Variants in SREBF1 observed in about 807,000 individuals in gnomAD.
SREBF1 encodes the protein sterol regulatory element binding transcription factor 1, also known as sterol regulatory element-binding protein 1.
Under a neutral mutation model 100.1 loss-of-function variants are expected in SREBF1, and 45 were observed. That is an observed-to-expected ratio of 0.45 (90% CI 0.35 to 0.58). The LOEUF is 0.58. SREBF1 is among the 20% of genes least tolerant of loss of function. The pLI is 0.00. For missense variants in SREBF1, 1,324 were observed against 1,539.4 expected (o/e 0.86, Z 2.34); for synonymous variants, 657 against 681.8 (o/e 0.96, Z 0.57).
In SREBF1 at chr17:17,812,475, C is replaced by T; in HGVS notation, c.*147G>A. The T allele has an allele frequency of 1.2e-5, 10 of 848,578 alleles. No homozygotes were observed. The highest frequency in any genetic ancestry group is 1.4e-5 in the Non-Finnish European group (8 of 554,094). The allele number at this position is 848,578 out of a possible 1,614,324, so 52.6% of individuals were successfully genotyped here. A position where few individuals can be genotyped will look rare whatever the true frequency, so the allele number is the denominator to read the frequency against. ...AGATCGCGCCCCTCGGGCCTTCCACCGCGAAGGCACACAGCAGCCGCAGGT... is the reference window on the plus strand; with the variant it reads ...AGATCGCGCCCCTCGGGCCTTCCACTGCGAAGGCACACAGCAGCCGCAGGT... On this transcript the variant is annotated 3_prime_UTR_variant, in exon 19 of 19. Coordinates refer to ENST00000261646, the MANE Select transcript of SREBF1 (RefSeq NM_004176.5).
rs1598118845 is a variant in SREBF1 at position 17,817,303 on chromosome 17, C to G, written c.1559G>C (p.Ser520Thr). 2 of 1,607,012 alleles carry G rather than the reference C, an allele frequency of 1.2e-6. No individual in the cohort carries two copies. The highest frequency in any genetic ancestry group is 1.7e-6 in the Non-Finnish European group (2 of 1,177,744). The change falls in exon 8 of 19, where the codon AGC becomes ACC. Residue 520 changes from serine (S) to threonine (T), a missense_variant. Ser to Thr is a moderately conservative substitution (Grantham distance 58). Transcript: ENST00000261646. The surrounding 1 kb of genome is among the most constrained non-coding windows in gnomAD (Gnocchi z 6.6). ...RGLPSPSDTT[S>T]VYHSPGRNVL... ...GTTGCGCCCAGGGCTATGGTAGACG[C>G]TGGTGGTATCTGAGGGGCTGGGAAG... is the stretch of plus-strand genomic sequence containing the variant.
At chr17:17,825,413 G>C (rs993451761) in intron 1 of SREBF1, among the ~76,000 whole-genome samples, 1 of 152,032 alleles carries the variant, frequency 6.6e-6, no homozygotes, top group African/African-American at 2.4e-5. Context: ...GGCGGGGGGG[G>C]CCTTCCAAGA....
chr17:17,827,252 C>T (rs2034547417), intron 1 of SREBF1, among the ~76,000 whole-genome samples: 1 of 152,208 alleles, frequency 6.6e-6, no homozygotes, highest in Non-Finnish European at 1.5e-5. Flanking sequence ...GACCCCAATT[C>T]TCCAGGGAAT....
intron 1 of SREBF1, among the ~76,000 whole-genome samples, chr17:17,836,215 G>A (rs558113480): frequency 4.6e-5 from 7 of 152,254 alleles, no homozygotes; most frequent in Non-Finnish European, 8.8e-5. Context: ...TGTGCCCGTC[G>A]CAGACCGGGA....
At position 17,815,812 on chromosome 17, in the gene SREBF1, A is replaced by G. The variant is rs771171102; in HGVS notation, c.2383+48T>C. 3.2e-6 allele frequency: 5 copies of G among 1,573,566 alleles called. No individual in the cohort carries two copies. In the South Asian group the frequency reaches 5.7e-5, roughly 18 times the overall value. ...TCAGGCGACAAGGGACAGGACAGGA[A>G]TGAGGATGAGGGACAGGAGAGGGGA... is the stretch of plus-strand genomic sequence containing the variant. On this transcript the variant is annotated intron_variant, in intron 12 of 18. Transcript: ENST00000261646.
At chr17:17,823,667 C>A (rs1188545524) in intron 1 of SREBF1, 62 of 1,291,900 alleles carry the variant, frequency 4.8e-5, no homozygotes, top group Non-Finnish European at 6.1e-5. Flanking sequence ...CGCCCCGCCC[C>A]GCCCCGCCCC....
Position 17,819,663 on chromosome 17 carries a change from C to T in SREBF1, c.586G>A (p.Val196Ile), listed in dbSNP as rs1418952213. 1.2e-6 allele frequency: 2 copies of T among 1,612,194 alleles called. No individual in the cohort carries two copies. The highest frequency in any genetic ancestry group is 1.7e-6 in the Non-Finnish European group (2 of 1,179,322). The change falls in exon 3 of 19, where the codon GTC becomes ATC. Residue 196 changes from valine (V) to isoleucine (I), a missense_variant. Physicochemically the swap from Val to Ile is conservative, Grantham distance 29 (BLOSUM62 3). Coordinates refer to ENST00000261646, the MANE Select transcript of SREBF1 (RefSeq NM_004176.5). ...PGLPLASPPG[V>I]PPVSLHTQVQ... ...TGGGTGTGCAAGGAGACGGGCGGGA[C>T]CCCTGGCGGGGAAGCCAGTGGCAGG...
intron 16 of SREBF1, 113 bp from the exon 17 acceptor site, chr17:17,813,882 C>A (rs2033236151): frequency 1.8e-6 from 2 of 1,107,956 alleles, no homozygotes; most frequent in African/African-American, 1.5e-5. Flanking sequence ...GGCACTGCAC[C>A]CGCCTCACAC....
rs770849678 is a variant in SREBF1, at chr17:17,812,636, CAG to C, written c.3428_3429del (p.Thr1143SerfsTer32). ...GGACACGGGGTCTAGCTGGAAGTGA[CAG>C]TGGTCCCACCGCCCAGGCGCATGAG... is the stretch of plus-strand genomic sequence containing the variant. ...QMLMRLGGGTTVTSS is the reference protein window; with the variant it reads ...QMLMRLGGGTXVTSS On this transcript the variant is annotated frameshift_variant, in exon 19 of 19. Coordinates refer to ENST00000261646, the MANE Select transcript of SREBF1 (RefSeq NM_004176.5). LOFTEE classifies it high-confidence loss of function. 1.2e-6 allele frequency: 2 copies of C among 1,605,208 alleles called. No individual in the cohort carries two copies. Among genetic ancestry groups the C allele is most frequent in the African/African-American group, 2.7e-5 (2 of 74,786 alleles).
chr17:17,811,968 T>C lies in SREBF1; in HGVS notation c.*654A>G. ...TCGGGAAGAGCTAAGTTAAAAGTTG[T>C]GTACCTTGTGGCCGGAGGGGGAGGG... On this transcript the variant is annotated 3_prime_UTR_variant, in exon 19 of 19. Transcript: ENST00000261646. 2.2e-6 allele frequency: 1 copy of C among 448,510 alleles called. No individual in the cohort carries two copies. The highest frequency in any genetic ancestry group is 7.2e-5 in the East Asian group (1 of 13,796). 27.8% of individuals were successfully genotyped at this position (448,510 alleles called of 1,614,324 possible). A position where few individuals can be genotyped will look rare whatever the true frequency, so the allele number is the denominator to read the frequency against.
At chr17:17,823,302 T>C (rs2034231039) in intron 1 of SREBF1, among the ~76,000 whole-genome samples, 1 of 152,202 alleles carries the variant, frequency 6.6e-6, no homozygotes, top group East Asian at 1.9e-4. Context: ...TTTGGGTCTC[T>C]AAGCAAACCC....
Position 17,812,650 on chromosome 17 carries a change from C to T in SREBF1, c.3416G>A (p.Gly1139Asp). 2 of 1,608,030 alleles carry T rather than the reference C, an allele frequency of 1.2e-6. No homozygotes were observed. The highest frequency in any genetic ancestry group is 8.5e-7 in the Non-Finnish European group (1 of 1,177,486). ...HDCQQMLMRL[G>D]GGTTVTSS ...GCTGGAAGTGACAGTGGTCCCACCG[C>T]CCAGGCGCATGAGCATCTGCTGACA... Residue 1139 changes from glycine to aspartate, a missense_variant, in exon 19 of 19, where the codon GGC (glycine) becomes GAC (aspartate). Physicochemically the swap from Gly to Asp is moderately conservative, Grantham distance 94 (BLOSUM62 -1). Coordinates refer to ENST00000261646, the MANE Select transcript of SREBF1 (RefSeq NM_004176.5).
At chr17:17,820,026 G>C in intron 2 of SREBF1, 64 bp downstream of exon 2, 1 of 1,514,872 alleles carries the variant, frequency 6.6e-7, no homozygotes, top group Non-Finnish European at 8.9e-7. Context: ...CACAGCAGAA[G>C]CTTCTTCCTG....
chr17:17,820,813 G>A (rs2034043065), intron 1 of SREBF1: 2 of 484,418 alleles, frequency 4.1e-6, no homozygotes, highest in Admixed American at 6.5e-5. Flanking sequence ...AGCTAGGCTG[G>A]GGCTGAGCCC....
chr17:17,831,804 C>A (rs1399289027), intron 1 of SREBF1, among the ~76,000 whole-genome samples: 5 of 152,180 alleles, frequency 3.3e-5, no homozygotes, highest in Non-Finnish European at 7.4e-5. Flanking sequence ...GACACTATAG[C>A]CAGGGCAGTG....
chr17:17,819,731 G>A lies in SREBF1; in HGVS notation c.524-6C>T. ...GGTGTTCCCGGGAGGGCTTCCTGCA[G>A]AAATAAAGCATGGGGCTGCAGACAC... On this transcript the variant is annotated splice_polypyrimidine_tract_variant and splice_region_variant and intron_variant, in intron 2 of 18. Coordinates refer to ENST00000261646, the MANE Select transcript of SREBF1 (RefSeq NM_004176.5). 1 of 1,596,170 alleles carries A rather than the reference G, an allele frequency of 6.3e-7. No individual in the cohort carries two copies. Among genetic ancestry groups the A allele is most frequent in the Non-Finnish European group, 8.5e-7 (1 of 1,175,402 alleles).
At chr17:17,814,466 A>AGT in intron 15 of SREBF1, 56 bp from the exon 16 acceptor site, 13 of 1,544,940 alleles carry the variant, frequency 8.4e-6, no homozygotes, top group Non-Finnish European at 1.1e-5. Flanking sequence ...GCCCTGGCTG[A>AGT]GTGCCCCCCA....
intron 18 of SREBF1, 164 bp downstream of exon 18, chr17:17,813,204 A>T (rs1241072548): frequency 2.7e-6 from 2 of 739,604 alleles, no homozygotes; most frequent in South Asian, 3.1e-5. Flanking sequence ...CCTGGGCTCA[A>T]GCTGTCCTCC....
At chr17:17,825,733 G>A (rs1421472999) in intron 1 of SREBF1, among the ~76,000 whole-genome samples, 1 of 150,874 alleles carries the variant, frequency 6.6e-6, no homozygotes, top group African/African-American at 2.4e-5. Flanking sequence ...TCAGCCTCCT[G>A]AGTAGCTGGG....
Sources: gnomAD v4.1 joint callset for allele counts (sites outside exome capture counted in the v4.1 genomes callset) on GRCh38, gnomAD v4.1.1 for gene constraint, Gnocchi (gnomAD v3.1) non-coding constraint, MANE v1.5 for transcripts, NCBI Gene and HGNC (gene_info 2026-07-23, HGNC 2026-07-21) for gene names.